Variants in DCBLD2 observed in about 807,000 individuals in gnomAD.
The protein encoded by DCBLD2 is discoidin, CUB and LCCL domain containing 2, also known as discoidin, CUB and LCCL domain-containing protein 2.
DCBLD2 carries 54 observed loss-of-function variants against 86.8 expected under a neutral mutation model. That is an observed-to-expected ratio of 0.62 (90% confidence interval 0.50 to 0.78). The LOEUF (loss-of-function observed/expected upper bound fraction) is 0.78. Among genes scored for constraint, DCBLD2 ranks in the 30% least tolerant of loss-of-function variants. DCBLD2 has a pLI of 0.00. For synonymous variants in DCBLD2, 354 were observed against 341.3 expected (o/e 1.04, Z -0.41); for missense variants, 908 against 954.2 (o/e 0.95, Z 0.64).
chr3:98,866,341 T>C lies in DCBLD2; in HGVS notation c.433+15199A>G, dbSNP rs543937868. Among the ~76,000 whole-genome samples the C allele has an allele frequency of 3.2e-3, 491 of 152,332 alleles. 1 individual carries two copies. Among genetic ancestry groups the C allele is most frequent in the Non-Finnish European group, 5.1e-3 (348 of 68,034 alleles). ...ACTCCCACCAACAGTGTAAAAGTGTTCCTATTTCTCCACAACCTCTCCAGC... is the reference window on the plus strand; with the variant it reads ...ACTCCCACCAACAGTGTAAAAGTGTCCCTATTTCTCCACAACCTCTCCAGC... On this transcript the variant is annotated intron_variant, in intron 2 of 15. Coordinates refer to ENST00000326840, the MANE Select transcript of DCBLD2 (RefSeq NM_080927.4).
chr3:98,797,168 T>G lies in DCBLD2; in HGVS notation c.*2204A>C, dbSNP rs977702398. The stretch of plus-strand genomic sequence containing the variant: ...GAAAGTAAAGTTTATATAAAAGTAG[T>G]AAAAACTAGATATTTTATAAAAATT... On this transcript the variant is annotated 3_prime_UTR_variant, in exon 16 of 16. Coordinates refer to ENST00000326840, the MANE Select transcript of DCBLD2 (RefSeq NM_080927.4). 2.0e-5 allele frequency: 3 copies of G among 151,100 alleles called. No homozygotes were observed. Among genetic ancestry groups the G allele is most frequent in the Non-Finnish European group, 4.4e-5 (3 of 67,724 alleles). The allele number at this position is 151,100 out of a possible 1,614,324, so 9.4% of individuals were successfully genotyped here. A position where few individuals can be genotyped will look rare whatever the true frequency, so the allele number is the denominator to read the frequency against.
chr3:98,862,335 T>A (rs138805703), intron 2 of DCBLD2, among the ~76,000 whole-genome samples: 1 of 152,084 alleles, frequency 6.6e-6, no homozygotes, highest in East Asian at 1.9e-4. Context: ...TTCCAATCAA[T>A]AGAAAAAGAG....
chr3:98,836,304 T>C (rs1190550847), intron 3 of DCBLD2, among the ~76,000 whole-genome samples: 1 of 143,874 alleles, frequency 7.0e-6, no homozygotes, highest in Non-Finnish European at 1.5e-5. Context: ...CAGAGGAGGG[T>C]AGATCTGGTA....
intron 3 of DCBLD2, among the ~76,000 whole-genome samples, chr3:98,836,568 C>T: frequency 6.6e-6 from 1 of 151,076 alleles, no homozygotes; most frequent in Non-Finnish European, 1.5e-5. Flanking sequence ...TTCCACAAAG[C>T]CGCCATTGTC....
At chr3:98,891,761 G>A (rs1399309793) in intron 1 of DCBLD2, among the ~76,000 whole-genome samples, 1 of 152,086 alleles carries the variant, frequency 6.6e-6, no homozygotes, top group Non-Finnish European at 1.5e-5. Flanking sequence ...CTGTGCCACT[G>A]CACTTAACAT....
At chr3:98,892,021 T>C (rs1025024038) in intron 1 of DCBLD2, among the ~76,000 whole-genome samples, 3 of 152,124 alleles carry the variant, frequency 2.0e-5, no homozygotes, top group East Asian at 1.9e-4. Flanking sequence ...AAATAAAACA[T>C]ACAAGGCTCT....
intron 1 of DCBLD2, among the ~76,000 whole-genome samples, chr3:98,889,520 C>T (rs1235949380): frequency 6.6e-6 from 1 of 151,978 alleles, no homozygotes; most frequent in Admixed American, 6.6e-5. Flanking sequence ...TAATTACCAC[C>T]TGCTATTTAA....
chr3:98,835,661 C>T (rs1352140006), intron 3 of DCBLD2, among the ~76,000 whole-genome samples: 1 of 147,174 alleles, frequency 6.8e-6, no homozygotes. Flanking sequence ...GCGATTCTCT[C>T]GTCTTAGCCT....
rs2439216 is a variant in DCBLD2, at chr3:98,858,946, G to A, written c.434-9348C>T. ...ACTGGCATCGCTTCACCTGGGAAGC[G>A]CGTGGGGTCGGGGAATTCCCTTTCC... On this transcript the variant is annotated intron_variant, in intron 2 of 15. Coordinates refer to ENST00000326840, the MANE Select transcript of DCBLD2 (RefSeq NM_080927.4). Among the ~76,000 whole-genome samples the A allele has an allele frequency of 3.7e-4, 56 of 152,300 alleles. 1 individual carries two copies. In the East Asian group the frequency reaches 7.7e-3, roughly 21 times the overall value.
At chr3:98,865,710 T>TCA (rs1553730720) in intron 2 of DCBLD2, among the ~76,000 whole-genome samples, 3 of 151,818 alleles carry the variant, frequency 2.0e-5, no homozygotes, top group Non-Finnish European at 4.4e-5. Context: ...TTTTCTTTTT[T>TCA]TATATATATA....
Position 98,886,299 on chromosome 3 carries a change from G to A in DCBLD2, c.206-4532C>T, listed in dbSNP as rs1943561606. ...GGAGCTCTTAACATTAGGAGGGAAAGGAGCTAACAGTAATCATCTGTGACT... is the reference window on the plus strand; with the variant it reads ...GGAGCTCTTAACATTAGGAGGGAAAAGAGCTAACAGTAATCATCTGTGACT... On this transcript the variant is annotated intron_variant, in intron 1 of 15. Coordinates refer to ENST00000326840, the MANE Select transcript of DCBLD2 (RefSeq NM_080927.4). Among the ~76,000 whole-genome samples the A allele has an allele frequency of 2.6e-5, 4 of 151,980 alleles. No individual in the cohort carries two copies. In the South Asian group the frequency reaches 8.3e-4, roughly 32 times the overall value.
intron 2 of DCBLD2, among the ~76,000 whole-genome samples, chr3:98,864,811 A>T (rs867360953): frequency 6.6e-6 from 1 of 151,078 alleles, no homozygotes; most frequent in Non-Finnish European, 1.5e-5. Context: ...TATGTAAAAA[A>T]CCTGCACACT....
chr3:98,819,743 C>T (rs890575050), intron 7 of DCBLD2, among the ~76,000 whole-genome samples: 4 of 152,272 alleles, frequency 2.6e-5, no homozygotes, highest in African/African-American at 7.2e-5. Flanking sequence ...TTGCATTCTC[C>T]CTGAGGTCTT....
At chr3:98,828,231 T>G (rs1160531934) in intron 3 of DCBLD2, among the ~76,000 whole-genome samples, 1 of 152,156 alleles carries the variant, frequency 6.6e-6, no homozygotes, top group Non-Finnish European at 1.5e-5. Flanking sequence ...TTAAAAACTT[T>G]TGTACTTCAC....
chr3:98,808,300 T>C lies in DCBLD2; in HGVS notation c.1577-126A>G, dbSNP rs1021821498. ...TACCTCACGGAAATACCATAAACATTATTTGTCAAGACTGGGCATGTGGTG... is the reference window on the plus strand; with the variant it reads ...TACCTCACGGAAATACCATAAACATCATTTGTCAAGACTGGGCATGTGGTG... On this transcript the variant is annotated intron_variant, in intron 12 of 15. Transcript: ENST00000326840. 6.2e-6 allele frequency: 5 copies of C among 803,220 alleles called. No individual in the cohort carries two copies. The South Asian group carries it at 1.1e-4, about 18-fold the overall frequency. 49.8% of individuals were successfully genotyped at this position (803,220 alleles called of 1,614,324 possible).
At chr3:98,846,412 A>G (rs1342504283) in intron 3 of DCBLD2, among the ~76,000 whole-genome samples, 1 of 152,176 alleles carries the variant, frequency 6.6e-6, no homozygotes, top group Non-Finnish European at 1.5e-5. Flanking sequence ...GACCTCAACC[A>G]AAGCCAAGCA....
At chr3:98,839,171 C>CCTTT (rs1312775029) in intron 3 of DCBLD2, among the ~76,000 whole-genome samples, 1 of 48,282 alleles carries the variant, frequency 2.1e-5, no homozygotes, top group Non-Finnish European at 4.2e-5. Flanking sequence ...TTCTTTCTTT[C>CCTTT]CTTTCTTTCT....
At chr3:98,819,161 TAA>T in intron 8 of DCBLD2, 39 bp downstream of exon 8, 1 of 1,507,760 alleles carries the variant, frequency 6.6e-7, no homozygotes, top group Non-Finnish European at 8.9e-7. Context: ...TCAAATAAAA[TAA>T]GTGTTACAAA....
At chr3:98,840,151 G>A (rs1183968697) in intron 3 of DCBLD2, among the ~76,000 whole-genome samples, 1 of 152,190 alleles carries the variant, frequency 6.6e-6, no homozygotes, top group Non-Finnish European at 1.5e-5. Context: ...ATTCAGAGTA[G>A]ATTGAAGGGG....
Sources: allele counts gnomAD v4.1 joint callset (sites outside exome capture counted in the v4.1 genomes callset), GRCh38; gene constraint gnomAD v4.1.1; transcripts MANE v1.5; gene names NCBI Gene and HGNC (gene_info 2026-07-23, HGNC 2026-07-21).